PARD3: variants seen among roughly 807,000 people sequenced by gnomAD.
PARD3 encodes the protein partitioning defective 3 homolog.
PARD3 carries 75 observed loss-of-function variants against 155.4 expected under a neutral mutation model. The ratio of observed to expected loss-of-function variants is 0.48; its 90% CI spans 0.40 to 0.58. PARD3 has a LOEUF of 0.58. Ranked by LOEUF, PARD3 falls within the 20% of genes least tolerant of loss-of-function variation. PARD3 has a pLI of 0.00. For missense variants in PARD3, 1,642 were observed against 1,721.7 expected (o/e 0.95, Z 0.82); for synonymous variants, 576 against 610.5 (o/e 0.94, Z 0.83).
chr10:34,247,054 T>A (rs1954000365), intron 22 of PARD3, among the ~76,000 whole-genome samples: 1 of 150,866 alleles, frequency 6.6e-6, no homozygotes, highest in Admixed American at 6.6e-5. Context: ...CCAACTTGGG[T>A]ATCAGAGCAA....
At chr10:34,198,752 C>T (rs1951073658) in intron 22 of PARD3, among the ~76,000 whole-genome samples, 1 of 152,064 alleles carries the variant, frequency 6.6e-6, no homozygotes, top group Non-Finnish European at 1.5e-5. Context: ...CAGTCAACCC[C>T]TTAGAAAGGT....
At chr10:34,699,990 T>TAA (rs1339302157) in intron 1 of PARD3, among the ~76,000 whole-genome samples, 1 of 152,228 alleles carries the variant, frequency 6.6e-6, no homozygotes, top group East Asian at 1.9e-4. Flanking sequence ...AACATTCAAC[T>TAA]AAAAAAGAAG....
chr10:34,317,364 G>T (rs1439234444), intron 19 of PARD3, 26 bp from the exon 20 acceptor site: 1 of 1,574,626 alleles, frequency 6.4e-7, no homozygotes, highest in South Asian at 1.2e-5. Flanking sequence ...AAAAAAATAG[G>T]GACACAGTGA....
chr10:34,581,535 A>T (rs1259129485), intron 2 of PARD3, among the ~76,000 whole-genome samples: 1 of 152,008 alleles, frequency 6.6e-6, no homozygotes, highest in Non-Finnish European at 1.5e-5. Context: ...CGCCCGGCCT[A>T]TTTAGGTTAT....
In PARD3 at chr10:34,204,712, A is replaced by G. The variant is rs77342136; in HGVS notation, c.3419+64945T>C. Among the ~76,000 whole-genome samples the G allele has an allele frequency of 7.7e-3, 1,165 of 152,272 alleles. 26 individuals are homozygous for G. Among genetic ancestry groups the G allele is most frequent in the African/African-American group, 0.027 (1,122 of 41,558 alleles). ...TGCTTACGTTACATTCCCCCCTACA[A>G]TAAGAGGATCTGAATTCATTTTCAA... is the stretch of plus-strand genomic sequence containing the variant. On this transcript the variant is annotated intron_variant, in intron 22 of 24. Transcript: ENST00000374788.
intron 1 of PARD3, among the ~76,000 whole-genome samples, chr10:34,814,465 GC>G (rs1177894671): frequency 6.6e-6 from 1 of 152,128 alleles, no homozygotes; most frequent in East Asian, 1.9e-4. Flanking sequence ...CCCGGCCTGT[GC>G]CCCCGGGGCC....
At chr10:34,677,845 A>T (rs911296721) in intron 2 of PARD3, among the ~76,000 whole-genome samples, 4 of 149,798 alleles carry the variant, frequency 2.7e-5, no homozygotes, top group African/African-American at 7.3e-5. Flanking sequence ...AAGTAAAAAT[A>T]AAAAAAGCAC....
intron 22 of PARD3, among the ~76,000 whole-genome samples, chr10:34,266,912 T>C (rs1955340911): frequency 6.6e-6 from 1 of 152,114 alleles, no homozygotes; most frequent in African/African-American, 2.4e-5. Context: ...CACTATGATT[T>C]AAACTGGGGT....
At chr10:34,197,882 A>C (rs1185526888) in intron 22 of PARD3, among the ~76,000 whole-genome samples, 1 of 152,180 alleles carries the variant, frequency 6.6e-6, no homozygotes, top group Non-Finnish European at 1.5e-5. Context: ...GGCGCACGCC[A>C]CCACGCCCAG....
chr10:34,640,188 C>T (rs1459646278), intron 2 of PARD3, among the ~76,000 whole-genome samples: 2 of 152,196 alleles, frequency 1.3e-5, no homozygotes, highest in African/African-American at 4.8e-5. Flanking sequence ...CTGCACAGCA[C>T]ACCTGCCCCA....
At chr10:34,319,376 C>G (rs757137486) in intron 19 of PARD3, among the ~76,000 whole-genome samples, 3 of 152,128 alleles carry the variant, frequency 2.0e-5, no homozygotes, top group Non-Finnish European at 4.4e-5. Flanking sequence ...GTGAGTCACA[C>G]CCAGCCCAAG....
intron 2 of PARD3, among the ~76,000 whole-genome samples, chr10:34,610,906 G>C (rs1337052025): frequency 3.3e-5 from 5 of 152,034 alleles, no homozygotes; most frequent in African/African-American, 4.8e-5. Context: ...GGGGAGAGGT[G>C]GGGGGGAGTT....
chr10:34,624,537 T>C (rs1329793968), intron 2 of PARD3, among the ~76,000 whole-genome samples: 1 of 152,140 alleles, frequency 6.6e-6, no homozygotes, highest in Non-Finnish European at 1.5e-5. Context: ...ATGTCACAGA[T>C]CCTTGGTGCA....
intron 7 of PARD3, among the ~76,000 whole-genome samples, chr10:34,398,696 C>G (rs1310472193): frequency 6.6e-6 from 1 of 152,096 alleles, no homozygotes; most frequent in Non-Finnish European, 1.5e-5. Flanking sequence ...AATATCACAA[C>G]AGTCCTTTCA....
intron 2 of PARD3, among the ~76,000 whole-genome samples, chr10:34,566,395 T>G (rs1489658061): frequency 6.6e-6 from 1 of 152,128 alleles, no homozygotes; most frequent in Admixed American, 6.5e-5. Flanking sequence ...GAAAATGAGA[T>G]CACATTCATA....
intron 19 of PARD3, among the ~76,000 whole-genome samples, chr10:34,321,974 G>A (rs1419428186): frequency 6.6e-6 from 1 of 151,972 alleles, no homozygotes; most frequent in Non-Finnish European, 1.5e-5. Context: ...CCCCCCCATT[G>A]AGAAGTGATG....
chr10:34,362,498 T>C (rs747981763), intron 12 of PARD3, among the ~76,000 whole-genome samples: 19 of 152,212 alleles, frequency 1.2e-4, no homozygotes, highest in Non-Finnish European at 1.8e-4. Flanking sequence ...ACAAGTGTTT[T>C]TGTTGTTTGT....
At chr10:34,260,950 A>G (rs1400519804) in intron 22 of PARD3, among the ~76,000 whole-genome samples, 1 of 152,176 alleles carries the variant, frequency 6.6e-6, no homozygotes, top group Non-Finnish European at 1.5e-5. Context: ...CAAGTTCACA[A>G]AGGTCTTTTC....
chr10:34,574,544 C>T (rs763375010), intron 2 of PARD3, among the ~76,000 whole-genome samples: 46 of 152,358 alleles, frequency 3.0e-4, no homozygotes, highest in Non-Finnish European at 5.1e-4. Context: ...AAAATAGTGA[C>T]CCATCCCAGT....
Sources: allele counts gnomAD v4.1 joint callset (sites outside exome capture counted in the v4.1 genomes callset), GRCh38; gene constraint gnomAD v4.1.1; transcripts MANE v1.5; gene names NCBI Gene and HGNC (gene_info 2026-07-23, HGNC 2026-07-21).